Variants in KLRG2 observed in about 807,000 individuals in gnomAD.
The protein encoded by KLRG2 is killer cell lectin-like receptor subfamily G member 2.
KLRG2 carries 39 observed loss-of-function variants against 35.4 expected under a neutral mutation model. The observed-to-expected ratio is 1.10, with a 90% CI of 0.85 to 1.44. The LOEUF is 1.44. KLRG2 is among the 40% of genes most tolerant of loss of function. The probability of loss-of-function intolerance (pLI) is 0.00; values close to 1 mark genes in which losing one functional copy is unlikely to be tolerated. For synonymous variants in KLRG2, 283 were observed against 265.8 expected (o/e 1.06, Z -0.63); for missense variants, 632 against 570.9 (o/e 1.11, Z -1.09).
chr7:139,450,413 T>TG (rs1169205638), downstream of KLRG2, among the ~76,000 whole-genome samples: 4 of 151,742 alleles, frequency 2.6e-5, no homozygotes, highest in East Asian at 7.8e-4. Context: ...TCAGTAGAGA[T>TG]GGGGTTTCAC....
chr7:139,474,095 C>A (rs1796808159), intron 3 of KLRG2, among the ~76,000 whole-genome samples: 1 of 150,324 alleles, frequency 6.7e-6, no homozygotes, highest in Non-Finnish European at 1.5e-5. Context: ...CTTGGCTCTG[C>A]CACCTCCACC....
intron 3 of KLRG2, among the ~76,000 whole-genome samples, chr7:139,465,691 C>CAAAAAAA (rs573464243): frequency 6.3e-5 from 6 of 95,170 alleles, no homozygotes; most frequent in South Asian, 3.4e-4. Flanking sequence ...GACTCTGTCT[C>CAAAAAAA]AAAAAAAAAA....
At chr7:139,436,231 A>C in the KLRG2 span, among the ~76,000 whole-genome samples, 1 of 151,950 alleles carries the variant, frequency 6.6e-6, no homozygotes, top group African/African-American at 2.4e-5. Context: ...CGCACACTCT[A>C]CCTGCGCATT....
chr7:139,432,790 C>T, the KLRG2 span, among the ~76,000 whole-genome samples: 54 of 152,204 alleles, frequency 3.5e-4, no homozygotes, highest in South Asian at 9.1e-3. Flanking sequence ...GTAAATGCTA[C>T]GTAAACAGTT....
chr7:139,443,781 C>G, the KLRG2 span, among the ~76,000 whole-genome samples: 59,448 of 152,032 alleles, frequency 0.39, 16,466 homozygotes, highest in African/African-American at 0.79. Flanking sequence ...AGGCTGGTCT[C>G]AAACTCCTGA....
intron 3 of KLRG2, among the ~76,000 whole-genome samples, chr7:139,465,760 G>A (rs974303116): frequency 4.0e-5 from 6 of 151,592 alleles, no homozygotes; most frequent in Non-Finnish European, 8.8e-5. Context: ...GCCATCAAAA[G>A]GCATCAGACC....
In KLRG2 at chr7:139,454,773, G is replaced by A. The variant is rs184705007; in HGVS notation, c.1006-559C>T. Among the ~76,000 whole-genome samples the A allele has an allele frequency of 4.4e-3, 670 of 151,090 alleles. 5 individuals are homozygous for A. Among genetic ancestry groups the A allele is most frequent in the African/African-American group, 0.015 (617 of 41,348 alleles). ...AGAGGTTGCAGTAAGCCGAGATTGCGCCACTGCATTCCAGCCTGGGCTGAC... is the reference window on the plus strand; with the variant it reads ...AGAGGTTGCAGTAAGCCGAGATTGCACCACTGCATTCCAGCCTGGGCTGAC... On this transcript the variant is annotated intron_variant, in intron 3 of 4. Coordinates refer to ENST00000340940, the MANE Select transcript of KLRG2 (RefSeq NM_198508.4).
At chr7:139,450,222 T>TTTTTG (rs893307704), downstream of KLRG2, among the ~76,000 whole-genome samples, 5 of 124,910 alleles carry the variant, frequency 4.0e-5, no homozygotes, top group Non-Finnish European at 7.8e-5. Context: ...TTTGTTTTTT[T>TTTTTG]TTTTGTTTTG....
chr7:139,463,310 A>T (rs148394340), intron 3 of KLRG2, among the ~76,000 whole-genome samples: 2,298 of 152,310 alleles, frequency 0.015, 50 homozygotes, highest in African/African-American at 0.052. Flanking sequence ...CATTAAATAA[A>T]GCTCCAAAAA....
At chr7:139,455,001 T>A (rs963334956) in intron 3 of KLRG2, among the ~76,000 whole-genome samples, 1 of 149,936 alleles carries the variant, frequency 6.7e-6, no homozygotes, top group East Asian at 1.9e-4. Flanking sequence ...AAAAAGACAA[T>A]GTTTTAAAGT....
chr7:139,439,634 C>T, the KLRG2 span, among the ~76,000 whole-genome samples: 1 of 152,124 alleles, frequency 6.6e-6, no homozygotes, highest in East Asian at 1.9e-4. Context: ...CTTAGTAGTT[C>T]CCTGCTTCCT....
intron 1 of KLRG2, among the ~76,000 whole-genome samples, 173 bp downstream of exon 1, chr7:139,482,713 G>A (rs1717486554): frequency 6.6e-6 from 1 of 152,200 alleles, no homozygotes; most frequent in African/African-American, 2.4e-5. Context: ...TACGTAGACA[G>A]GAATGTTATT....
chr7:139,442,454 G>C, the KLRG2 span, among the ~76,000 whole-genome samples: 1 of 152,194 alleles, frequency 6.6e-6, no homozygotes, highest in Non-Finnish European at 1.5e-5. Flanking sequence ...GCTCACACCT[G>C]TAATCCCAGC....
At chr7:139,463,762 G>A (rs543162072) in intron 3 of KLRG2, among the ~76,000 whole-genome samples, 29 of 152,204 alleles carry the variant, frequency 1.9e-4, no homozygotes, top group Non-Finnish European at 2.5e-4. Flanking sequence ...AGCGGCTGAC[G>A]ACCGACGCTG....
chr7:139,431,278 A>G, the KLRG2 span, among the ~76,000 whole-genome samples: 1 of 152,208 alleles, frequency 6.6e-6, no homozygotes, highest in African/African-American at 2.4e-5. Flanking sequence ...AATGGCAGAG[A>G]GGGAACTTTC....
At chr7:139,449,420 T>G (rs1439770266), downstream of KLRG2, among the ~76,000 whole-genome samples, 2 of 151,818 alleles carry the variant, frequency 1.3e-5, no homozygotes, top group African/African-American at 4.8e-5. Flanking sequence ...AAAATGGTAC[T>G]CTTGTATGGG....
At chr7:139,467,535 C>G (rs1351001123) in intron 3 of KLRG2, among the ~76,000 whole-genome samples, 1 of 152,026 alleles carries the variant, frequency 6.6e-6, no homozygotes, top group African/African-American at 2.4e-5. Context: ...TATGACCTTA[C>G]CCCCAACGCC....
At chr7:139,430,265 G>C in the KLRG2 span, among the ~76,000 whole-genome samples, 1 of 152,056 alleles carries the variant, frequency 6.6e-6, no homozygotes, top group African/African-American at 2.4e-5. Flanking sequence ...AGCCAGGCGT[G>C]GTGGTGCATG....
At chr7:139,462,617 A>ATG (rs1445591747) in intron 3 of KLRG2, among the ~76,000 whole-genome samples, 4 of 152,156 alleles carry the variant, frequency 2.6e-5, no homozygotes, top group African/African-American at 9.7e-5. Context: ...TTCTTCTGCA[A>ATG]TGCTGCTTGA....
Sources: gnomAD v4.1 joint callset for allele counts (sites outside exome capture counted in the v4.1 genomes callset) on GRCh38, gnomAD v4.1.1 for gene constraint, MANE v1.5 for transcripts, NCBI Gene and HGNC (gene_info 2026-07-23, HGNC 2026-07-21) for gene names.